The following TMBIM1 variants were observed in gnomAD, a reference collection of about 807,000 sequenced individuals.
The protein encoded by TMBIM1 is transmembrane BAX inhibitor motif containing 1.
Under a neutral mutation model 45.1 loss-of-function variants are expected in TMBIM1, and 34 were observed. The observed-to-expected ratio is 0.75, with a 90% CI of 0.57 to 1.00. The LOEUF is 1.00. TMBIM1 is among the 50% of genes least tolerant of loss of function. The pLI is 0.00. For missense variants in TMBIM1, 374 were observed against 402.4 expected, an observed-to-expected ratio of 0.93 and a Z score of 0.60; for synonymous variants, 157 against 153.5, an observed-to-expected ratio of 1.02 and a Z score of -0.17.
At chr2:218,278,213 C>G in intron 6 of TMBIM1, 1 of 607,610 alleles carries the variant, frequency 1.6e-6, no homozygotes, top group Non-Finnish European at 2.9e-6. Context: ...AACTCTTAAA[C>G]TGACTGCCTG....
chr2:218,276,149 C>T, intron 10 of TMBIM1, 70 bp from the exon 11 acceptor site: 2 of 1,538,568 alleles, frequency 1.3e-6, no homozygotes. Context: ...GCCCCAGCTT[C>T]CCCCGGGATA....
intron 1 of TMBIM1, chr2:218,287,367 G>C (rs559360943): frequency 7.9e-5 from 12 of 152,268 alleles, no homozygotes; most frequent in African/African-American, 2.9e-4. Context: ...GGAGGGGCCA[G>C]AACAAGCTAC....
chr2:218,278,672 G>GGGAAGCAACTCAACA, intron 5 of TMBIM1, 107 bp from the exon 6 acceptor site: 2 of 1,228,850 alleles, frequency 1.6e-6, no homozygotes, highest in Admixed American at 3.6e-5. Context: ...GAAGTCTGAG[G>GGGAAGCAACTCAACA]GGAAGCAACT....
rs1481115946 is a variant in TMBIM1, at chr2:218,280,053, C to G, written c.276G>C (p.Arg92=). The G allele has an allele frequency of 6.8e-6, 11 of 1,614,158 alleles. No individual in the cohort carries two copies. Among genetic ancestry groups the G allele is most frequent in the Non-Finnish European group, 7.6e-6 (9 of 1,179,982 alleles). Residue 92 remains arginine, a synonymous_variant, in exon 3 of 12, where the codon CGG becomes CGC. Coordinates refer to ENST00000258412, the MANE Select transcript of TMBIM1 (RefSeq NM_022152.6). ...DSFGPGEWDD[R]KVRHTFIRKV... is the part of the protein sequence containing the mutation. ...TTCGGATAAAAGTGTGTCGCACTTT[C>G]CGGTCATCCCACTCTCCAGGCCCGA...
chr2:218,277,130 A>G lies in TMBIM1; in HGVS notation c.640-31T>C, dbSNP rs749705324. On this transcript the variant is annotated intron_variant, in intron 9 of 11. Transcript: ENST00000258412. Reference sequence around the variant, plus strand: ...AGGAAGCAAGAAAGAGGCACCTGTCAGATGGCTGTGACAACCAGCCCAGTC... The same window carrying G: ...AGGAAGCAAGAAAGAGGCACCTGTCGGATGGCTGTGACAACCAGCCCAGTC... The G allele has an allele frequency of 2.5e-6, 4 of 1,596,356 alleles. No homozygotes were observed. In the Admixed American group the frequency reaches 6.7e-5, roughly 27 times the overall value.
At chr2:218,275,760 T>C in intron 11 of TMBIM1, 139 bp from the exon 12 acceptor site, 2 of 1,099,408 alleles carry the variant, frequency 1.8e-6, no homozygotes, top group Admixed American at 2.7e-5. Flanking sequence ...ACATATGGGC[T>C]CTATACTGTA....
At chr2:218,275,699 T>G in intron 11 of TMBIM1, 78 bp from the exon 12 acceptor site, 1 of 1,535,772 alleles carries the variant, frequency 6.5e-7, no homozygotes, top group African/African-American at 1.4e-5. Flanking sequence ...AGATTTGTCT[T>G]GGGGGCCTAT....
intron 1 of TMBIM1, chr2:218,286,434 T>C (rs890722550): frequency 1.3e-5 from 2 of 152,144 alleles, no homozygotes; most frequent in Non-Finnish European, 2.9e-5. Context: ...ATGCCTGTTA[T>C]CAAGGCATTC....
At chr2:218,290,553 A>G (rs1198046974) in intron 1 of TMBIM1, among the ~76,000 whole-genome samples, 4 of 152,112 alleles carry the variant, frequency 2.6e-5, no homozygotes, top group African/African-American at 9.7e-5. Flanking sequence ...CCCATTCCAC[A>G]CAGCTGCTAT....
intron 2 of TMBIM1, chr2:218,280,421 A>C: frequency 2.8e-6 from 1 of 355,796 alleles, no homozygotes; most frequent in Non-Finnish European, 5.3e-6. Context: ...TGGGGAAGCC[A>C]GGCAGGAGCA....
At position 218,280,010 on chromosome 2, in the gene TMBIM1, C is replaced by T. The variant is rs567815086; in HGVS notation, c.303+16G>A. 12 of 1,611,000 alleles carry T rather than the reference C, an allele frequency of 7.4e-6. No homozygotes were observed. In the East Asian group the frequency reaches 2.0e-4, roughly 27 times the overall value. Reference sequence around the variant, plus strand: ...GAGGGGCCCCAGGTACACCCACCTCCCAGCGCGTATCTTACCTTTCGGATA... The same window carrying T: ...GAGGGGCCCCAGGTACACCCACCTCTCAGCGCGTATCTTACCTTTCGGATA... On this transcript the variant is annotated intron_variant, in intron 3 of 11. Transcript: ENST00000258412.
chr2:218,277,102 G>T lies in TMBIM1; in HGVS notation c.640-3C>A, dbSNP rs1481923628. ...CCTGTGCACGAGGTGAAGTCCACCT[G>T]CCAGGAAGCAAGAAAGAGGCACCTG... On this transcript the variant is annotated splice_polypyrimidine_tract_variant and splice_region_variant and intron_variant, in intron 9 of 11. Transcript: ENST00000258412. 6.2e-7 allele frequency: 1 copy of T among 1,613,582 alleles called. No homozygotes were observed. The highest frequency in any genetic ancestry group is 2.2e-5 in the East Asian group (1 of 44,890).
rs775554169 is a variant in TMBIM1 at position 218,277,413 on chromosome 2, T to C, written c.592A>G (p.Thr198Ala). 17 of 1,614,082 alleles carry C rather than the reference T, an allele frequency of 1.1e-5. No individual in the cohort carries two copies. The highest frequency in any genetic ancestry group is 1.4e-5 in the Non-Finnish European group (16 of 1,180,024). ...TKAVIIAMII[T>A]AVVSISVTIF... Reference sequence around the variant, plus strand: ...GTGACTGAAATGGATACCACCGCAGTGATGATCATTGCAATGATGACGGCT... The same window carrying C: ...GTGACTGAAATGGATACCACCGCAGCGATGATCATTGCAATGATGACGGCT... Residue 198 changes from threonine to alanine, a missense_variant, in exon 9 of 12, where the codon ACT becomes GCT. Transcript: ENST00000258412.
In TMBIM1 at chr2:218,287,491, C is replaced by T. The variant is rs550087491; in HGVS notation, c.-41+4975G>A. Reference sequence around the variant, plus strand: ...TTGGGAGGCCGAGGCAGGTGGATCACGAGGTCAGGAGATCAAGACCATCGT... The same window carrying T: ...TTGGGAGGCCGAGGCAGGTGGATCATGAGGTCAGGAGATCAAGACCATCGT... On this transcript the variant is annotated intron_variant, in intron 1 of 11. Coordinates refer to ENST00000258412, the MANE Select transcript of TMBIM1 (RefSeq NM_022152.6). Among the ~76,000 whole-genome samples, 28 of 152,188 alleles carry T rather than the reference C, an allele frequency of 1.8e-4. No individual in the cohort carries two copies. The East Asian group carries it at 5.4e-3, about 29-fold the overall frequency.
At chr2:218,281,160 G>A (rs1221933921) in intron 2 of TMBIM1, among the ~76,000 whole-genome samples, 4 of 6,714 alleles carry the variant, frequency 6.0e-4, no homozygotes, top group African/African-American at 9.8e-4. Flanking sequence ...TTGAGACAGA[G>A]TCTTGCTCTG....
Position 218,281,939 on chromosome 2 carries a change from C to A in TMBIM1, c.202+1G>T, listed in dbSNP as rs1559505579. On this transcript the variant is annotated splice_donor_variant, in intron 2 of 11. Transcript: ENST00000258412. LOFTEE classifies it high-confidence loss of function. ...CTTCCATCTGCCCTTCCAGGACTCACCGTAGTTCATGGGCATCGGGTGGGT... is the reference window on the plus strand; with the variant it reads ...CTTCCATCTGCCCTTCCAGGACTCAACGTAGTTCATGGGCATCGGGTGGGT... 1 of 1,592,342 alleles carries A rather than the reference C, an allele frequency of 6.3e-7. No individual in the cohort carries two copies. The highest frequency in any genetic ancestry group is 8.5e-7 in the Non-Finnish European group (1 of 1,170,218).
At chr2:218,281,357 G>A (rs189198145) in intron 2 of TMBIM1, among the ~76,000 whole-genome samples, 4 of 152,092 alleles carry the variant, frequency 2.6e-5, no homozygotes, top group East Asian at 3.9e-4. Context: ...GGCTGGTCTC[G>A]AATTCCTGAC....
At chr2:218,278,188 C>A in intron 6 of TMBIM1, 1 of 619,850 alleles carries the variant, frequency 1.6e-6, no homozygotes, top group South Asian at 2.0e-5. Context: ...GCCAGAAACA[C>A]CTGGATTGGT....
rs754252282 is a variant in TMBIM1 at position 218,277,628 on chromosome 2, T to C, written c.551+5A>G. On this transcript the variant is annotated splice_donor_5th_base_variant and intron_variant, in intron 8 of 11. Coordinates refer to ENST00000258412, the MANE Select transcript of TMBIM1 (RefSeq NM_022152.6). Reference sequence around the variant, plus strand: ...CCAAGAGTGGTGCTTTATCCCTGAATGTACCTGGAAATGGTGCCCGTCATG... The same window carrying C: ...CCAAGAGTGGTGCTTTATCCCTGAACGTACCTGGAAATGGTGCCCGTCATG... The C allele has an allele frequency of 2.5e-6, 4 of 1,614,186 alleles. No homozygotes were observed. In the South Asian group the frequency reaches 3.3e-5, roughly 13 times the overall value.
Sources: gnomAD v4.1 joint callset for allele counts (sites outside exome capture counted in the v4.1 genomes callset) on GRCh38, gnomAD v4.1.1 for gene constraint, MANE v1.5 for transcripts, NCBI Gene and HGNC (gene_info 2026-07-23, HGNC 2026-07-21) for gene names.